Variants in SSH1 observed in about 807,000 individuals in gnomAD.
The protein encoded by SSH1 is slingshot protein phosphatase 1.
A neutral mutation model predicts 79.7 loss-of-function variants in SSH1; 43 were observed. The ratio of observed to expected loss-of-function variants is 0.54; its 90% CI spans 0.42 to 0.70. The LOEUF (loss-of-function observed/expected upper bound fraction) is 0.70, where lower values mean the gene tolerates loss of function less well. Among genes scored for constraint, SSH1 ranks in the 30% least tolerant of loss-of-function variants. The probability of loss-of-function intolerance (pLI) is 0.00; values close to 1 mark genes in which losing one functional copy is unlikely to be tolerated. For synonymous variants in SSH1, 599 were observed against 538.3 expected (o/e 1.11, Z -1.56); for missense variants, 1,206 against 1,358.8 (o/e 0.89, Z 1.77).
chr12:108,817,325 G>A (rs1026462425), intron 4 of SSH1, 166 bp from the exon 5 acceptor site: 3 of 1,002,402 alleles, frequency 3.0e-6, no homozygotes, highest in Admixed American at 2.1e-5. Flanking sequence ...TGTAATCCCA[G>A]CACTTTGGGA....
chr12:108,828,733 C>A (rs1007593554), intron 2 of SSH1, among the ~76,000 whole-genome samples: 3 of 152,162 alleles, frequency 2.0e-5, no homozygotes, highest in African/African-American at 7.2e-5. Context: ...AGGACACATC[C>A]TTTGGCCCTT....
At chr12:108,846,912 T>G (rs1220016209) in intron 2 of SSH1, among the ~76,000 whole-genome samples, 4 of 152,146 alleles carry the variant, frequency 2.6e-5, no homozygotes, top group Admixed American at 6.5e-5. Context: ...ACTTTTTTTT[T>G]TTTTGAGACA....
At chr12:108,837,106 C>T (rs2038654289) in intron 2 of SSH1, 1 of 355,544 alleles carries the variant, frequency 2.8e-6, no homozygotes. Flanking sequence ...GTGGAGCATG[C>T]CCGTAATCCC....
Position 108,787,628 on chromosome 12 carries a change from G to T in SSH1, c.*360C>A. ...GAGCTAGAACGTGTGCCGCGGTGAG[G>T]CTGCCACCACCAGGACTCTTCTGCA... is the stretch of plus-strand genomic sequence containing the variant. On this transcript the variant is annotated 3_prime_UTR_variant, in exon 15 of 15. Transcript: ENST00000326495. The T allele has an allele frequency of 3.5e-6, 1 of 284,226 alleles. No individual in the cohort carries two copies. 17.6% of individuals were successfully genotyped at this position (284,226 alleles called of 1,614,324 possible).
rs931739359 is a variant in SSH1 at position 108,835,903 on chromosome 12, ATAAT to A, written c.111-12546_111-12543del. Among the ~76,000 whole-genome samples, 6 of 145,926 alleles carry A rather than the reference ATAAT, an allele frequency of 4.1e-5. No homozygotes were observed. In the South Asian group the frequency reaches 6.3e-4, roughly 15 times the overall value. ...ATTAATTAATTATAACTATATTAAT[ATAAT>A]TAATTATAACTATATTAATATAATC... is the stretch of plus-strand genomic sequence containing the variant. On this transcript the variant is annotated intron_variant, in intron 2 of 14. Coordinates refer to ENST00000326495, the MANE Select transcript of SSH1 (RefSeq NM_018984.4).
intron 12 of SSH1, 96 bp downstream of exon 12, chr12:108,800,684 A>G (rs2036957934): frequency 6.6e-7 from 1 of 1,511,388 alleles, no homozygotes; most frequent in South Asian, 1.1e-5. Flanking sequence ...CCCCCCTCCC[A>G]CCAGCCGACT....
At chr12:108,812,859 CTT>C (rs2037683116) in intron 5 of SSH1, among the ~76,000 whole-genome samples, 1 of 122,992 alleles carries the variant, frequency 8.1e-6, no homozygotes, top group Non-Finnish European at 1.6e-5. Context: ...GCATATTTTT[CTT>C]TTCTTTTTTT....
At chr12:108,799,677 C>T (rs2036904056) in intron 12 of SSH1, among the ~76,000 whole-genome samples, 1 of 152,178 alleles carries the variant, frequency 6.6e-6, no homozygotes, top group Non-Finnish European at 1.5e-5. Flanking sequence ...CTGAAAGCTG[C>T]AAGGCCCTGG....
chr12:108,818,174 G>C, intron 4 of SSH1, 75 bp downstream of exon 4: 1 of 1,248,694 alleles, frequency 8.0e-7, no homozygotes, highest in Non-Finnish European at 1.2e-6. Context: ...CTCCAGCCTG[G>C]GCAACAGAGC....
At chr12:108,826,274 C>G in intron 2 of SSH1, 1 of 410,830 alleles carries the variant, frequency 2.4e-6, no homozygotes, top group South Asian at 1.8e-5. Flanking sequence ...GCCAGCTGTT[C>G]CTCCTCCATG....
intron 1 of SSH1, chr12:108,852,896 T>C (rs979479169): frequency 1.0e-6 from 1 of 985,428 alleles, no homozygotes; most frequent in South Asian, 4.7e-5. Flanking sequence ...TTGACCCACA[T>C]TCCTGCCGCA....
chr12:108,803,839 T>G (rs1002003314), intron 10 of SSH1, among the ~76,000 whole-genome samples: 5 of 152,184 alleles, frequency 3.3e-5, no homozygotes, highest in Admixed American at 3.3e-4. Flanking sequence ...CACTATGAAA[T>G]CTATATAGAT....
At chr12:108,794,777 C>T (rs917992285) in intron 13 of SSH1, among the ~76,000 whole-genome samples, 3 of 151,342 alleles carry the variant, frequency 2.0e-5, no homozygotes, top group Admixed American at 6.6e-5. Flanking sequence ...AAATTCCTTG[C>T]GGTCCCCAAG....
rs1365524164 is a variant in SSH1 at position 108,781,473 on chromosome 12, A to G, written c.*6515T>C. ...GAGCAATCTGGTCTGCTTGATGATT[A>G]TAATTCTTTTGGTAAAGTAATAAAC... On this transcript the variant is annotated 3_prime_UTR_variant, in exon 15 of 15. Transcript: ENST00000326495. 2.0e-5 allele frequency: 3 copies of G among 152,240 alleles called. No homozygotes were observed. The highest frequency in any genetic ancestry group is 2.9e-5 in the Non-Finnish European group (2 of 68,048). The allele number at this position is 152,240 out of a possible 1,614,324, so 9.4% of individuals were successfully genotyped here.
Position 108,789,188 on chromosome 12 carries a change from G to C in SSH1, c.1950C>G (p.Ala650=). The C allele has an allele frequency of 6.2e-7, 1 of 1,608,960 alleles. No individual in the cohort carries two copies. The highest frequency in any genetic ancestry group is 1.1e-5 in the South Asian group (1 of 90,360). ...CGCTGGCTGTAGGGTACATGCAGTC[G>C]GCACAGGATTTATAGGAAGGCTTCA... The part of the protein sequence containing the change: ...NKVKPSYKSC[A]DCMYPTASGA... The change falls in exon 15 of 15, where the codon GCC becomes GCG. Residue 650 remains alanine, a synonymous_variant. Coordinates refer to ENST00000326495, the MANE Select transcript of SSH1 (RefSeq NM_018984.4).
chr12:108,782,522 C>CTG lies in SSH1; in HGVS notation c.*5464_*5465dup, dbSNP rs1372005533. On this transcript the variant is annotated 3_prime_UTR_variant, in exon 15 of 15. Coordinates refer to ENST00000326495, the MANE Select transcript of SSH1 (RefSeq NM_018984.4). ...TTCCAGGAGGAACTATCATTTCTTC[C>CTG]TGTGGTCCTTTCTTTGGTGTAACTT... 1 of 152,060 alleles carries CTG rather than the reference C, an allele frequency of 6.6e-6. No homozygotes were observed. The highest frequency in any genetic ancestry group is 1.9e-4 in the East Asian group (1 of 5,188). The allele number at this position is 152,060 out of a possible 1,614,324, so 9.4% of individuals were successfully genotyped here. A position where few individuals can be genotyped will look rare whatever the true frequency, so the allele number is the denominator to read the frequency against.
intron 2 of SSH1, chr12:108,827,392 C>T (rs200403597): frequency 5.4e-4 from 815 of 1,503,380 alleles, no homozygotes; most frequent in Non-Finnish European, 6.7e-4. Flanking sequence ...AACTGCCCTC[C>T]GAGCTCTGGC....
At chr12:108,840,298 G>A (rs866706609) in intron 2 of SSH1, among the ~76,000 whole-genome samples, 3 of 152,176 alleles carry the variant, frequency 2.0e-5, no homozygotes, top group East Asian at 1.9e-4. Context: ...TTGGGAGGCC[G>A]AGGTGGTTGG....
Position 108,792,299 on chromosome 12 carries a change from G to C in SSH1, c.1880C>G (p.Pro627Arg), listed in dbSNP as rs773856967. Residue 627 changes from proline to arginine, a missense_variant, in exon 14 of 15, where the codon CCC becomes CGC. Coordinates refer to ENST00000326495, the MANE Select transcript of SSH1 (RefSeq NM_018984.4). ...NLNNNSKRSCPNGMEDDAIFG... is the reference protein window; with the variant it reads ...NLNNNSKRSCRNGMEDDAIFG... ...GGCTCTGCCTACCTCCATGCCGTTGGGACAGCTCCTCTTGCTGTTGTTGTT... is the reference window on the plus strand; with the variant it reads ...GGCTCTGCCTACCTCCATGCCGTTGCGACAGCTCCTCTTGCTGTTGTTGTT... 6.2e-7 allele frequency: 1 copy of C among 1,614,162 alleles called. No individual in the cohort carries two copies. The highest frequency in any genetic ancestry group is 2.2e-5 in the East Asian group (1 of 44,886).
Sources: gnomAD v4.1 joint callset for allele counts (sites outside exome capture counted in the v4.1 genomes callset) on GRCh38, gnomAD v4.1.1 for gene constraint, MANE v1.5 for transcripts, NCBI Gene and HGNC (gene_info 2026-07-23, HGNC 2026-07-21) for gene names.